WDR4: variants seen among roughly 807,000 people sequenced by gnomAD.
WDR4 encodes the protein WDR4 tRNA N7-guanosine methyltransferase non-catalytic subunit.
Under a neutral mutation model 48.6 loss-of-function variants are expected in WDR4, and 47 were observed. The observed-to-expected ratio is 0.97, with a 90% CI of 0.77 to 1.23. The LOEUF (loss-of-function observed/expected upper bound fraction) is 1.23. Among genes scored for constraint, WDR4 ranks in the 50% most tolerant of loss-of-function variants. The pLI is 0.00. For missense variants in WDR4, 606 were observed against 551.6 expected (o/e 1.10, Z -0.99); for synonymous variants, 268 against 230.0 (o/e 1.17, Z -1.49).
chr21:42,851,771 C>A (rs1021024306), intron 10 of WDR4, among the ~76,000 whole-genome samples: 2 of 152,208 alleles, frequency 1.3e-5, no homozygotes, highest in Non-Finnish European at 2.9e-5. Context: ...CTGAGTGTTC[C>A]TGTCAGGACA....
intron 3 of WDR4, among the ~76,000 whole-genome samples, chr21:42,869,328 C>G (rs1354780795): frequency 6.6e-6 from 1 of 152,240 alleles, no homozygotes; most frequent in Non-Finnish European, 1.5e-5. Context: ...CTCACCATAG[C>G]TGAACGGGAA....
chr21:42,854,751 C>T, intron 7 of WDR4, 125 bp from the exon 8 acceptor site: 1 of 825,046 alleles, frequency 1.2e-6, no homozygotes, highest in Non-Finnish European at 1.9e-6. Flanking sequence ...GAGGAAACAG[C>T]ACTGGAACAT....
chr21:42,850,359 C>T (rs2057792930), intron 10 of WDR4, 117 bp from the exon 11 acceptor site: 8 of 931,652 alleles, frequency 8.6e-6, no homozygotes, highest in East Asian at 3.0e-5. Flanking sequence ...CTCGGTGGAC[C>T]GTGGGGGGCG....
At chr21:42,855,484 G>C (rs1236660234) in intron 7 of WDR4, among the ~76,000 whole-genome samples, 198 bp downstream of exon 7, 3 of 152,230 alleles carry the variant, frequency 2.0e-5, no homozygotes, top group African/African-American at 7.2e-5. Flanking sequence ...CTGTTTGCAT[G>C]CAACAGGGAG....
chr21:42,852,223 C>A, intron 10 of WDR4, 32 bp downstream of exon 10: 1 of 1,612,286 alleles, frequency 6.2e-7, no homozygotes, highest in Non-Finnish European at 8.5e-7. Flanking sequence ...CTGGGTGTGA[C>A]CCCCAAGGGC....
chr21:42,851,146 G>A (rs936545260), intron 10 of WDR4, among the ~76,000 whole-genome samples: 3 of 152,210 alleles, frequency 2.0e-5, no homozygotes, highest in Non-Finnish European at 4.4e-5. Context: ...TGTTGTGCAA[G>A]GTGACACTCA....
chr21:42,850,549 T>C (rs1477527004), intron 10 of WDR4, among the ~76,000 whole-genome samples: 1 of 152,164 alleles, frequency 6.6e-6, no homozygotes, highest in Non-Finnish European at 1.5e-5. Context: ...AAGCCACTAC[T>C]GCACCATGAG....
At chr21:42,879,727 C>T (rs1042978578), upstream of WDR4, 2 of 529,236 alleles carry the variant, frequency 3.8e-6, no homozygotes, top group Admixed American at 6.5e-5. Flanking sequence ...CCAAGGTGAT[C>T]TGATGGAGTG....
chr21:42,875,657 T>C (rs747239601), intron 2 of WDR4, among the ~76,000 whole-genome samples: 7 of 152,172 alleles, frequency 4.6e-5, no homozygotes, highest in Non-Finnish European at 1.0e-4. Flanking sequence ...CAGGGAGTTA[T>C]GTTTGTGCAA....
intron 4 of WDR4, 152 bp downstream of exon 4, chr21:42,863,288 C>T: frequency 1.0e-6 from 1 of 955,894 alleles, no homozygotes; most frequent in Non-Finnish European, 1.5e-6. Flanking sequence ...CCCCACATAC[C>T]ATGTCCCCCA....
At chr21:42,855,912 G>A in intron 6 of WDR4, 132 bp from the exon 7 acceptor site, 2 of 593,106 alleles carry the variant, frequency 3.4e-6, no homozygotes, top group Non-Finnish European at 5.6e-6. Flanking sequence ...AGGAATTAAA[G>A]GCTCTCTGCT....
intron 6 of WDR4, among the ~76,000 whole-genome samples, chr21:42,855,991 T>G (rs927779746): frequency 3.9e-5 from 6 of 152,182 alleles, no homozygotes; most frequent in Non-Finnish European, 5.9e-5. Context: ...ACCGATTCCC[T>G]GTTTCTCGAG....
Position 42,853,824 on chromosome 21 carries a change from C to T in WDR4, c.792-72G>A, listed in dbSNP as rs986086517. 7.5e-6 allele frequency: 11 copies of T among 1,462,216 alleles called. No individual in the cohort carries two copies. In the African/African-American group the frequency reaches 1.5e-4, roughly 20 times the overall value. The allele number at this position is 1,462,216 out of a possible 1,614,324, so 90.6% of individuals were successfully genotyped here. A position where few individuals can be genotyped will look rare whatever the true frequency, so the allele number is the denominator to read the frequency against. On this transcript the variant is annotated intron_variant, in intron 8 of 10. Coordinates refer to ENST00000398208, the MANE Select transcript of WDR4 (RefSeq NM_018669.6). Reference sequence around the variant, plus strand: ...GGGCTCCGCTCTGCAGCCAGCACCCCAGACGGTGCAGCCCTCGCCGGTGCC... The same window carrying T: ...GGGCTCCGCTCTGCAGCCAGCACCCTAGACGGTGCAGCCCTCGCCGGTGCC...
At position 42,853,564 on chromosome 21, in the gene WDR4, C is replaced by G; in HGVS notation, c.975+5G>C. The G allele has an allele frequency of 6.2e-7, 1 of 1,605,072 alleles. No individual in the cohort carries two copies. Among genetic ancestry groups the G allele is most frequent in the Non-Finnish European group, 8.5e-7 (1 of 1,175,742 alleles). On this transcript the variant is annotated splice_donor_5th_base_variant and intron_variant, in intron 9 of 10. Coordinates refer to ENST00000398208, the MANE Select transcript of WDR4 (RefSeq NM_018669.6). ...ATAGGACATCTGGAAGGTGCCGAGT[C>G]TCACCTGCCACTGGTCGCCCACAGG...
downstream of WDR4, among the ~76,000 whole-genome samples, chr21:42,848,594 C>T (rs1486039824): frequency 2.6e-5 from 2 of 77,692 alleles, no homozygotes; most frequent in African/African-American, 7.5e-5. Flanking sequence ...CACACGATCA[C>T]GCAGCGTGCA....
chr21:42,854,339 C>G (rs2057926691), intron 8 of WDR4, among the ~76,000 whole-genome samples: 1 of 152,212 alleles, frequency 6.6e-6, no homozygotes, highest in Admixed American at 6.5e-5. Flanking sequence ...GCTCTTTACG[C>G]CAGGGGAGTT....
rs777839880 is a variant in WDR4, at chr21:42,862,002, C to T, written c.566+280G>A. 1.3e-5 allele frequency among the ~76,000 whole-genome samples: 2 copies of T among 152,338 alleles called. No homozygotes were observed. Among genetic ancestry groups the T allele is most frequent in the Non-Finnish European group, 2.9e-5 (2 of 68,028 alleles). On this transcript the variant is annotated intron_variant, in intron 5 of 10. Transcript: ENST00000398208. This position sits in a 1 kb window ranked among gnomAD's most constrained non-coding sequence, Gnocchi z 4.3. ...CCCGGGCATGGTGCAGGGGTCTCCA[C>T]ACTGAGACAGGGGTTTCCCGGAAAC...
chr21:42,887,940 A>C, the WDR4 span, among the ~76,000 whole-genome samples: 1 of 152,114 alleles, frequency 6.6e-6, no homozygotes, highest in Non-Finnish European at 1.5e-5. Context: ...AACAAAAACA[A>C]AAACAAAAAA....
At chr21:42,873,138 C>T (rs2058409713) in intron 3 of WDR4, among the ~76,000 whole-genome samples, 1 of 152,182 alleles carries the variant, frequency 6.6e-6, no homozygotes, top group Non-Finnish European at 1.5e-5. Flanking sequence ...ATGGTACAGA[C>T]CCCTCAACAG....
Sources: gnomAD v4.1 joint callset for allele counts (sites outside exome capture counted in the v4.1 genomes callset) on GRCh38, gnomAD v4.1.1 for gene constraint, Gnocchi (gnomAD v3.1) non-coding constraint, MANE v1.5 for transcripts, NCBI Gene and HGNC (gene_info 2026-07-23, HGNC 2026-07-21) for gene names.